Variants in VKORC1L1 observed in about 807,000 individuals in gnomAD.
The protein encoded by VKORC1L1 is vitamin K epoxide reductase complex subunit 1L1.
In VKORC1L1, 2 loss-of-function variants were observed where a neutral mutation model predicts 18.9. The observed-to-expected ratio is 0.11, with a 90% confidence interval of 0.04 to 0.33. The LOEUF (loss-of-function observed/expected upper bound fraction) is 0.33. Among genes scored for constraint, VKORC1L1 ranks in the 10% least tolerant of loss-of-function variants. The pLI, the probability that VKORC1L1 is intolerant of heterozygous loss-of-function variation, is 1.00. For missense variants in VKORC1L1, 123 were observed against 224.1 expected (o/e 0.55, Z 2.88); for synonymous variants, 96 against 100.0 (o/e 0.96, Z 0.24).
rs182477914 is a variant in VKORC1L1 at position 65,930,289 on chromosome 7, G to A, written c.195-18382G>A. 3.8e-3 allele frequency among the ~76,000 whole-genome samples: 585 copies of A among 152,292 alleles called. 6 individuals are homozygous for A. The highest frequency in any genetic ancestry group is 0.013 in the African/African-American group (558 of 41,568). On this transcript the variant is annotated intron_variant, in intron 1 of 2. Transcript: ENST00000360768. ...TTGCATTTGGCATAGACTCAAATGG[G>A]ATTCTTAAAGAGGAGTGTAAAAGCT...
intron 1 of VKORC1L1, among the ~76,000 whole-genome samples, chr7:65,919,826 G>A (rs1789646827): frequency 6.6e-6 from 1 of 152,164 alleles, no homozygotes; most frequent in African/African-American, 2.4e-5. Context: ...GGGAAGTAGA[G>A]GCGGGCAGAT....
At chr7:65,880,554 G>T (rs1235810545) in intron 1 of VKORC1L1, among the ~76,000 whole-genome samples, 1 of 152,170 alleles carries the variant, frequency 6.6e-6, no homozygotes, top group Non-Finnish European at 1.5e-5. Context: ...CTAGATTGGG[G>T]TAGCTTTTTC....
intron 1 of VKORC1L1, among the ~76,000 whole-genome samples, chr7:65,909,560 A>G (rs963676130): frequency 2.0e-4 from 30 of 152,182 alleles, no homozygotes; most frequent in South Asian, 6.2e-4. Context: ...ATTTGGTTCT[A>G]TTACATTTCC....
intron 1 of VKORC1L1, among the ~76,000 whole-genome samples, chr7:65,889,375 A>C (rs1789072185): frequency 6.6e-6 from 1 of 152,212 alleles, no homozygotes; most frequent in South Asian, 2.1e-4. Context: ...TCCTCCAAAA[A>C]TGCTGTTGGC....
upstream of VKORC1L1, among the ~76,000 whole-genome samples, chr7:65,873,022 G>A (rs1788748489): frequency 4.4e-5 from 5 of 113,392 alleles, no homozygotes; most frequent in South Asian, 1.3e-3. Context: ...TTCTCCCCCG[G>A]GCTCCACCCC....
intron 2 of VKORC1L1, among the ~76,000 whole-genome samples, chr7:65,952,599 A>G (rs1790229601): frequency 6.6e-6 from 1 of 151,040 alleles, no homozygotes. Flanking sequence ...CCCACCTGTT[A>G]TTTTGTTCCT....
chr7:65,909,477 T>A (rs1445899253), intron 1 of VKORC1L1, among the ~76,000 whole-genome samples: 10 of 152,178 alleles, frequency 6.6e-5, no homozygotes, highest in Admixed American at 6.5e-4. Context: ...TTTAATCCTT[T>A]ATCTTTCAGC....
intron 1 of VKORC1L1, among the ~76,000 whole-genome samples, chr7:65,890,387 TC>T (rs1425999615): frequency 1.3e-5 from 2 of 152,162 alleles, no homozygotes; most frequent in African/African-American, 4.8e-5. Flanking sequence ...TGCCTCGGCC[TC>T]CCAAAATGCT....
upstream of VKORC1L1, among the ~76,000 whole-genome samples, chr7:65,871,948 G>A (rs949572882): frequency 3.9e-5 from 6 of 152,182 alleles, no homozygotes; most frequent in African/African-American, 1.4e-4. Context: ...ACGAATACAA[G>A]GATATTGCTT....
rs1344770330 is a variant in VKORC1L1 at position 65,954,128 on chromosome 7, C to T, written c.359C>T (p.Ser120Leu). Residue 120 changes from serine to leucine, a missense_variant, in exon 3 of 3, where the codon TCG becomes TTG. Coordinates refer to ENST00000360768, the MANE Select transcript of VKORC1L1 (RefSeq NM_173517.6). ...ATCCTCATGACGTCCTCCATCATGT[C>T]GGTCGTGGGGTCCCTGTACCTGGCC... is the stretch of plus-strand genomic sequence containing the variant. ...ALILMTSSIM[S>L]VVGSLYLAYI... 4 of 1,609,530 alleles carry T rather than the reference C, an allele frequency of 2.5e-6. No homozygotes were observed. Among genetic ancestry groups the T allele is most frequent in the East Asian group, 2.2e-5 (1 of 44,750 alleles).
At chr7:65,932,037 C>G (rs1789866625) in intron 1 of VKORC1L1, among the ~76,000 whole-genome samples, 1 of 152,112 alleles carries the variant, frequency 6.6e-6, no homozygotes, top group Admixed American at 6.6e-5. Context: ...AATTTCTGCT[C>G]TAAGTTTTGT....
intron 1 of VKORC1L1, among the ~76,000 whole-genome samples, chr7:65,904,263 C>T (rs1277565779): frequency 6.6e-6 from 1 of 152,076 alleles, no homozygotes. Context: ...GGGTGGAGTA[C>T]AGTAGTGCAA....
Position 65,896,262 on chromosome 7 carries a change from GTTC to G in VKORC1L1, c.194+22703_194+22705del. ...AGATTTATTTATGTTGTATATTGCA[GTTC>G]TTCTTTAGGATATCACATTTTATCT... On this transcript the variant is annotated intron_variant, in intron 1 of 2. Coordinates refer to ENST00000360768, the MANE Select transcript of VKORC1L1 (RefSeq NM_173517.6). 2.0e-5 allele frequency among the ~76,000 whole-genome samples: 3 copies of G among 152,064 alleles called. No homozygotes were observed. In the Middle Eastern group the frequency reaches 0.01, roughly 517 times the overall value.
chr7:65,917,231 T>C (rs182728375), intron 1 of VKORC1L1, among the ~76,000 whole-genome samples: 1 of 152,324 alleles, frequency 6.6e-6, no homozygotes, highest in East Asian at 1.9e-4. Flanking sequence ...GATTTTACTT[T>C]AATGTTTCTC....
chr7:65,898,046 T>C (rs2116382351), intron 1 of VKORC1L1, among the ~76,000 whole-genome samples: 1 of 151,084 alleles, frequency 6.6e-6, no homozygotes, highest in East Asian at 1.9e-4. Flanking sequence ...GGTAAAATAA[T>C]TGATACAGTC....
intron 1 of VKORC1L1, among the ~76,000 whole-genome samples, chr7:65,890,061 A>G (rs1484605305): frequency 6.6e-6 from 1 of 151,732 alleles, no homozygotes; most frequent in Non-Finnish European, 1.5e-5. Context: ...GGGCTCAAGC[A>G]ATTCTCCTGC....
chr7:65,941,092 G>A (rs550087137), intron 1 of VKORC1L1, among the ~76,000 whole-genome samples: 1 of 152,108 alleles, frequency 6.6e-6, no homozygotes, highest in Admixed American at 6.6e-5. Flanking sequence ...CACAGACAGG[G>A]GCTAGCAAAG....
At chr7:65,922,358 G>A (rs1032352087) in intron 1 of VKORC1L1, among the ~76,000 whole-genome samples, 1 of 150,986 alleles carries the variant, frequency 6.6e-6, no homozygotes, top group Non-Finnish European at 1.5e-5. Context: ...TTGGCTGACC[G>A]CAACCTCTGC....
rs1344434760 is a variant in VKORC1L1 at position 65,955,365 on chromosome 7, T to A, written c.*1065T>A. On this transcript the variant is annotated 3_prime_UTR_variant, in exon 3 of 3. Transcript: ENST00000360768. ...AATTGTTTCTTTCTGCACTAACCAC[T>A]CAGATGTCTAATTTAATTGTTTTGC... 6.6e-6 allele frequency: 1 copy of A among 152,206 alleles called. No homozygotes were observed. Among genetic ancestry groups the A allele is most frequent in the Non-Finnish European group, 1.5e-5 (1 of 68,044 alleles). 9.4% of individuals were successfully genotyped at this position (152,206 alleles called of 1,614,324 possible).
Sources: gnomAD v4.1 joint callset for allele counts (sites outside exome capture counted in the v4.1 genomes callset) on GRCh38, gnomAD v4.1.1 for gene constraint, MANE v1.5 for transcripts, NCBI Gene and HGNC (gene_info 2026-07-23, HGNC 2026-07-21) for gene names.